The following RBFOX1 variants were observed in gnomAD, a reference collection of about 807,000 sequenced individuals.
RBFOX1 encodes RNA binding protein fox-1 homolog 1.
Under a neutral mutation model 57.7 loss-of-function variants are expected in RBFOX1, and 8 were observed. The ratio of observed to expected loss-of-function variants is 0.14; its 90% CI spans 0.08 to 0.25. The LOEUF is 0.25. Ranked by LOEUF, RBFOX1 falls within the 10% of genes least tolerant of loss-of-function variation. The pLI is 1.00. For synonymous variants in RBFOX1, 326 were observed against 222.4 expected (o/e 1.47, Z -4.15); for missense variants, 611 against 548.5 (o/e 1.11, Z -1.14).
intron 2 of RBFOX1, among the ~76,000 whole-genome samples, chr16:6,568,120 C>T (rs945086789): frequency 2.0e-5 from 3 of 152,158 alleles, no homozygotes; most frequent in Non-Finnish European, 4.4e-5. Context: ...TATTAGTTAT[C>T]TAATACCATG....
At chr16:7,115,398 T>C (rs555747741) in intron 4 of RBFOX1, among the ~76,000 whole-genome samples, 7 of 152,226 alleles carry the variant, frequency 4.6e-5, no homozygotes, top group Admixed American at 1.3e-4. Context: ...AAACAGAAAC[T>C]AATTCTTTTG....
At chr16:5,426,169 C>T (rs749868965) in intron 1 of RBFOX1, among the ~76,000 whole-genome samples, 37 of 152,086 alleles carry the variant, frequency 2.4e-4, no homozygotes, top group Non-Finnish European at 5.1e-4. Flanking sequence ...GAAATAATGA[C>T]TCTGAACCTG....
intron 4 of RBFOX1, among the ~76,000 whole-genome samples, chr16:7,418,822 T>G (rs2098510793): frequency 6.6e-6 from 1 of 152,004 alleles, no homozygotes; most frequent in African/African-American, 2.4e-5. Context: ...CTCACCTCTT[T>G]TTTCTCTTCT....
At chr16:6,592,484 T>C (rs1034259472) in intron 2 of RBFOX1, among the ~76,000 whole-genome samples, 1 of 152,198 alleles carries the variant, frequency 6.6e-6, no homozygotes, top group African/African-American at 2.4e-5. Flanking sequence ...AAATGACCAG[T>C]GGTAAAATGG....
intron 14 of RBFOX1, among the ~76,000 whole-genome samples, chr16:7,677,043 T>G (rs2073487631): frequency 6.6e-6 from 1 of 151,894 alleles, no homozygotes; most frequent in African/African-American, 2.4e-5. Flanking sequence ...CTCTCTCTGC[T>G]GAGACACAAA....
chr16:6,234,945 G>A (rs1328174437), intron 1 of RBFOX1, among the ~76,000 whole-genome samples: 1 of 152,170 alleles, frequency 6.6e-6, no homozygotes, highest in Non-Finnish European at 1.5e-5. Context: ...GGGGGAAACT[G>A]GGTAAATTGT....
At chr16:7,125,334 C>G (rs1231596370) in intron 4 of RBFOX1, among the ~76,000 whole-genome samples, 1 of 152,146 alleles carries the variant, frequency 6.6e-6, no homozygotes, top group Non-Finnish European at 1.5e-5. Flanking sequence ...GGTATAAAAT[C>G]AGATACTACT....
chr16:6,949,514 G>T (rs139396403), intron 3 of RBFOX1, among the ~76,000 whole-genome samples: 1 of 152,184 alleles, frequency 6.6e-6, no homozygotes, highest in African/African-American at 2.4e-5. Context: ...GGCAGGGTCT[G>T]TTTCTTCTTG....
intron 2 of RBFOX1, among the ~76,000 whole-genome samples, chr16:6,488,144 A>G (rs552809698): frequency 1.2e-3 from 184 of 152,308 alleles, no homozygotes; most frequent in African/African-American, 4.2e-3. Flanking sequence ...AGGGCTGTAT[A>G]TGAGGAAGGC....
chr16:5,855,416 G>A (rs139357610), intron 3 of RBFOX1, among the ~76,000 whole-genome samples: 34 of 152,276 alleles, frequency 2.2e-4, no homozygotes, highest in African/African-American at 8.2e-4. Flanking sequence ...GTGAAATAAG[G>A]ATTCAATTAT....
intron 4 of RBFOX1, among the ~76,000 whole-genome samples, chr16:7,491,926 G>A (rs1046497639): frequency 6.6e-6 from 1 of 152,120 alleles, no homozygotes; most frequent in Admixed American, 6.5e-5. Context: ...GTACCACTCC[G>A]TGTGTTCCTT....
intron 4 of RBFOX1, among the ~76,000 whole-genome samples, chr16:7,246,126 G>C (rs1341792481): frequency 6.6e-6 from 1 of 152,104 alleles, no homozygotes; most frequent in East Asian, 1.9e-4. Context: ...AACTTAGTTT[G>C]ATACCTAAGC....
chr16:7,005,872 C>A (rs12919229), intron 3 of RBFOX1, among the ~76,000 whole-genome samples: 65,807 of 152,070 alleles, frequency 0.43, 17,527 homozygotes, highest in South Asian at 0.61. Flanking sequence ...TTCTTCCCTT[C>A]TTCTGGATAA....
In RBFOX1 at chr16:6,152,284, C is replaced by G. The variant is rs925189725; in HGVS notation, c.-127+132292C>G. 4.6e-5 allele frequency among the ~76,000 whole-genome samples: 7 copies of G among 152,192 alleles called. 1 individual carries two copies. The highest frequency in any genetic ancestry group is 4.1e-4 in the South Asian group (2 of 4,836). On this transcript the variant is annotated intron_variant, in intron 1 of 15. Coordinates refer to ENST00000550418, the MANE Select transcript of RBFOX1 (RefSeq NM_018723.4). ...CTGAGGACAGCTTAGTTCTTTCTGT[C>G]TCTGTATTCCTCCCACCCCCTCATC... is the stretch of plus-strand genomic sequence containing the variant.
chr16:7,163,025 A>G (rs2078699768), intron 4 of RBFOX1, among the ~76,000 whole-genome samples: 1 of 152,134 alleles, frequency 6.6e-6, no homozygotes. Context: ...ACTTCTTTGT[A>G]TGATGTCTAA....
rs548679300 is a variant in RBFOX1, at chr16:7,142,413, C to T, written c.27+90315C>T. Among the ~76,000 whole-genome samples, 7 of 152,208 alleles carry T rather than the reference C, an allele frequency of 4.6e-5. No individual in the cohort carries two copies. The East Asian group carries it at 9.7e-4, about 21-fold the overall frequency. On this transcript the variant is annotated intron_variant, in intron 4 of 15. Coordinates refer to ENST00000550418, the MANE Select transcript of RBFOX1 (RefSeq NM_018723.4). ...CCTGAGCTTCTTGTTGATGTCATTTCGTGTCACTCTTCCATCAGCCCCTGT... is the reference window on the plus strand; with the variant it reads ...CCTGAGCTTCTTGTTGATGTCATTTTGTGTCACTCTTCCATCAGCCCCTGT...
intron 1 of RBFOX1, among the ~76,000 whole-genome samples, chr16:6,182,194 A>G (rs1250064305): frequency 6.6e-6 from 1 of 152,198 alleles, no homozygotes; most frequent in East Asian, 1.9e-4. Context: ...TGGGATGCAG[A>G]AATCGTGAAT....
intron 4 of RBFOX1, among the ~76,000 whole-genome samples, chr16:7,303,414 G>A (rs978984914): frequency 1.3e-5 from 2 of 152,168 alleles, no homozygotes; most frequent in Non-Finnish European, 2.9e-5. Flanking sequence ...CAAACGCACC[G>A]CCACCAACAT....
intron 4 of RBFOX1, among the ~76,000 whole-genome samples, chr16:6,004,477 T>C (rs923436197): frequency 2.6e-5 from 4 of 152,248 alleles, no homozygotes; most frequent in African/African-American, 9.6e-5. Flanking sequence ...GTCAGTGTGA[T>C]ATGCCTGATG....
Sources: gnomAD v4.1 joint callset for allele counts (sites outside exome capture counted in the v4.1 genomes callset) on GRCh38, gnomAD v4.1.1 for gene constraint, MANE v1.5 for transcripts, NCBI Gene and HGNC (gene_info 2026-07-23, HGNC 2026-07-21) for gene names.